The following KIAA1217 variants were observed in gnomAD, a reference collection of about 807,000 sequenced individuals.
KIAA1217 encodes KIAA1217, also known as sickle tail protein homolog.
In KIAA1217, 88 loss-of-function variants were observed where a neutral mutation model predicts 163.9. The observed-to-expected ratio is 0.54, with a 90% confidence interval of 0.45 to 0.64. The LOEUF (loss-of-function observed/expected upper bound fraction) is 0.64, where lower values mean the gene tolerates loss of function less well. Among genes scored for constraint, KIAA1217 ranks in the 30% least tolerant of loss-of-function variants. The pLI is 0.00. For missense variants in KIAA1217, 2,372 were observed against 2,475.0 expected (o/e 0.96, Z 0.88); for synonymous variants, 903 against 923.1 (o/e 0.98, Z 0.39).
chr10:24,544,321 G>T lies in KIAA1217; in HGVS notation c.5051G>T (p.Ser1684Ile). The T allele has an allele frequency of 6.2e-7, 1 of 1,614,110 alleles. No individual in the cohort carries two copies. Residue 1684 changes from serine (S) to isoleucine (I), a missense_variant, in exon 19 of 21, where the codon AGT becomes ATT. Ser to Ile is a moderately radical substitution (Grantham distance 142). Transcript: ENST00000376454. ...KQLENTISEMSPKALVDTSCS... is the reference protein window; with the variant it reads ...KQLENTISEMIPKALVDTSCS... ...CTCGAAAATACAATCAGTGAAATGA[G>T]TCCCAAAGCCCTAGTTGATACCTCA... is the stretch of plus-strand genomic sequence containing the variant.
At chr10:24,250,088 A>G (rs1385197757) in intron 2 of KIAA1217, among the ~76,000 whole-genome samples, 5 of 152,168 alleles carry the variant, frequency 3.3e-5, no homozygotes, top group African/African-American at 1.2e-4. Context: ...CAATACTCTC[A>G]AAAAGGCGTG....
intron 2 of KIAA1217, among the ~76,000 whole-genome samples, chr10:24,041,539 C>T (rs531066372): frequency 6.6e-6 from 1 of 152,316 alleles, no homozygotes; most frequent in South Asian, 2.1e-4. Flanking sequence ...CACATACACA[C>T]ATACATACAC....
chr10:23,906,305 C>A lies in KIAA1217; in HGVS notation c.-320-100920C>A, dbSNP rs1842162468. Among the ~76,000 whole-genome samples, 4 of 151,942 alleles carry A rather than the reference C, an allele frequency of 2.6e-5. 1 individual carries two copies. Among genetic ancestry groups the A allele is most frequent in the Admixed American group, 2.6e-4 (4 of 15,242 alleles). ...ACACATACACACAAACACGTACACA[C>A]CCCAAACACATACTCAAGGCTTTTC... On this transcript the variant is annotated intron_variant, in intron 1 of 18. Transcript: ENST00000376462.
chr10:24,335,942 C>T (rs1396711044), intron 2 of KIAA1217, among the ~76,000 whole-genome samples: 1 of 152,200 alleles, frequency 6.6e-6, no homozygotes, highest in Non-Finnish European at 1.5e-5. Context: ...GTACATTTGG[C>T]TGAGCGCAGT....
intron 1 of KIAA1217, among the ~76,000 whole-genome samples, chr10:23,846,049 T>C (rs9753742): frequency 6.6e-6 from 1 of 152,090 alleles, no homozygotes; most frequent in Non-Finnish European, 1.5e-5. Flanking sequence ...TGTAGATGTG[T>C]GGTGTTTTTT....
intron 6 of KIAA1217, among the ~76,000 whole-genome samples, chr10:24,489,790 G>C (rs1297451296): frequency 2.0e-5 from 3 of 147,560 alleles, no homozygotes; most frequent in Non-Finnish European, 3.0e-5. Flanking sequence ...CTTGAGCTCG[G>C]TGAGTTGAGG....
intron 6 of KIAA1217, among the ~76,000 whole-genome samples, chr10:24,493,517 A>G (rs1006529121): frequency 2.0e-5 from 3 of 152,240 alleles, no homozygotes; most frequent in African/African-American, 7.2e-5. Flanking sequence ...TAGTTCTGCG[A>G]AACGTCCATT....
At chr10:24,131,769 A>C (rs1027325940) in intron 2 of KIAA1217, among the ~76,000 whole-genome samples, 13 of 152,236 alleles carry the variant, frequency 8.5e-5, no homozygotes, top group African/African-American at 3.1e-4. Flanking sequence ...CTATCATAGA[A>C]AGGAATAGAT....
At chr10:23,896,987 T>C (rs150987948) in intron 1 of KIAA1217, among the ~76,000 whole-genome samples, 2 of 152,190 alleles carry the variant, frequency 1.3e-5, no homozygotes, top group African/African-American at 2.4e-5. Context: ...ACACTTGTGG[T>C]AAATCCAATA....
rs2043508943 is a variant in KIAA1217, at chr10:24,317,235, T to G, written c.355-63634T>G. Among the ~76,000 whole-genome samples, 3 of 152,312 alleles carry G rather than the reference T, an allele frequency of 2.0e-5. No individual in the cohort carries two copies. In the South Asian group the frequency reaches 6.2e-4, roughly 32 times the overall value. ...TGCTGATACATAAATAAACCCATCA[T>G]TTGTGACAAGGGTCTTTTGTCCGCA... is the stretch of plus-strand genomic sequence containing the variant. On this transcript the variant is annotated intron_variant, in intron 2 of 20. Transcript: ENST00000376454.
At chr10:23,813,494 C>A (rs766985349) in intron 1 of KIAA1217, among the ~76,000 whole-genome samples, 6 of 151,656 alleles carry the variant, frequency 4.0e-5, no homozygotes, top group East Asian at 3.9e-4. Context: ...ATGGTTTGAT[C>A]CTGTTTTTCT....
intron 1 of KIAA1217, among the ~76,000 whole-genome samples, chr10:23,786,335 G>T (rs1400439557): frequency 2.6e-5 from 4 of 152,064 alleles, no homozygotes; most frequent in African/African-American, 9.7e-5. Flanking sequence ...GCAGCATGAG[G>T]AAAGGAGAGT....
chr10:24,369,561 T>G (rs918594611), intron 2 of KIAA1217, among the ~76,000 whole-genome samples: 5 of 152,190 alleles, frequency 3.3e-5, no homozygotes, highest in African/African-American at 1.2e-4. Context: ...ATTCCGTGGC[T>G]TGGGATCCCA....
At chr10:23,934,623 A>T (rs182705594) in intron 1 of KIAA1217, among the ~76,000 whole-genome samples, 1,788 of 61,060 alleles carry the variant, frequency 0.029, 196 homozygotes, top group African/African-American at 0.17. Context: ...ATATATATAT[A>T]TATTTTTTTT....
At chr10:23,754,552 GC>G (rs1454419458) in intron 1 of KIAA1217, among the ~76,000 whole-genome samples, 1 of 152,180 alleles carries the variant, frequency 6.6e-6, no homozygotes, top group Non-Finnish European at 1.5e-5. Flanking sequence ...GATTCTGACA[GC>G]CTTTAGCAGT....
intron 1 of KIAA1217, among the ~76,000 whole-genome samples, chr10:23,760,016 C>T (rs1292514370): frequency 1.3e-5 from 2 of 152,142 alleles, no homozygotes; most frequent in Non-Finnish European, 2.9e-5. Context: ...CGTATATATA[C>T]CATAGGTAGA....
At chr10:24,460,951 G>A (rs1469481184) in intron 5 of KIAA1217, among the ~76,000 whole-genome samples, 1 of 152,144 alleles carries the variant, frequency 6.6e-6, no homozygotes, top group Non-Finnish European at 1.5e-5. Flanking sequence ...GACCACATGA[G>A]GCTGTGAGAA....
chr10:24,410,534 A>G (rs2057673899), intron 3 of KIAA1217, among the ~76,000 whole-genome samples: 1 of 152,184 alleles, frequency 6.6e-6, no homozygotes, highest in African/African-American at 2.4e-5. Flanking sequence ...AATGATACCC[A>G]TTTACAATAA....
At chr10:23,902,716 G>T (rs1386588718) in intron 1 of KIAA1217, among the ~76,000 whole-genome samples, 2 of 152,114 alleles carry the variant, frequency 1.3e-5, no homozygotes, top group Non-Finnish European at 2.9e-5. Context: ...ATGTGATGGG[G>T]TGTTGATGTG....
Sources: allele counts gnomAD v4.1 joint callset (sites outside exome capture counted in the v4.1 genomes callset), GRCh38; gene constraint gnomAD v4.1.1; transcripts MANE v1.5; gene names NCBI Gene and HGNC (gene_info 2026-07-23, HGNC 2026-07-21).